SFI1: variants seen among roughly 807,000 people sequenced by gnomAD.
The protein encoded by SFI1 is SFI1 centrin binding protein.
SFI1 carries 195 observed loss-of-function variants against 207.5 expected under a neutral mutation model. The observed-to-expected ratio is 0.94, with a 90% CI of 0.84 to 1.06. The LOEUF (loss-of-function observed/expected upper bound fraction) is 1.06, where lower values mean the gene tolerates loss of function less well. Among genes scored for constraint, SFI1 ranks in the 50% least tolerant of loss-of-function variants. SFI1 has a pLI of 0.00. For synonymous variants in SFI1, 630 were observed against 598.9 expected (o/e 1.05, Z -0.76); for missense variants, 1,634 against 1,588.0 (o/e 1.03, Z -0.49).
chr22:31,535,176 T>C, intron 4 of SFI1, among the ~76,000 whole-genome samples: 1 of 140,594 alleles, frequency 7.1e-6, no homozygotes, highest in East Asian at 2.1e-4. Flanking sequence ...CTCAAATGCT[T>C]TTTTATTGCT....
Position 31,606,342 on chromosome 22 carries a change from G to C in SFI1, c.2069G>C (p.Arg690Pro). 1 of 1,613,760 alleles carries C rather than the reference G, an allele frequency of 6.2e-7. No individual in the cohort carries two copies. The highest frequency in any genetic ancestry group is 8.5e-7 in the Non-Finnish European group (1 of 1,180,012). Residue 690 changes from arginine to proline, a missense_variant, in exon 21 of 33, where the codon CGC becomes CCC. By Grantham distance (103) the Arg-to-Pro change is moderately radical. Transcript: ENST00000400288. ...NRQLLRGALR[R>P]WKENTMARVD... ...TGCATCTGCAGCGGGGCATTACGTC[G>C]CTGGAAAGAGAACACCATGGCCCGA...
rs1008589047 is a variant in SFI1, at chr22:31,528,917, C to G, written c.266+54C>G. Reference sequence around the variant, plus strand: ...GGGTACTTTGCTTTTGTTCTCCTTTCTTGGTTAAAATGGGGGAATGATTCT... The same window carrying G: ...GGGTACTTTGCTTTTGTTCTCCTTTGTTGGTTAAAATGGGGGAATGATTCT... On this transcript the variant is annotated intron_variant, in intron 3 of 32. Transcript: ENST00000400288. 33 of 1,531,616 alleles carry G rather than the reference C, an allele frequency of 2.2e-5. No individual in the cohort carries two copies. In the Admixed American group the frequency reaches 3.9e-4, roughly 18 times the overall value. The allele number at this position is 1,531,616 out of a possible 1,614,324, so 94.9% of individuals were successfully genotyped here.
chr22:31,540,741 T>C (rs548484384), intron 4 of SFI1, among the ~76,000 whole-genome samples: 102 of 152,130 alleles, frequency 6.7e-4, no homozygotes, highest in Non-Finnish European at 1.2e-3. Flanking sequence ...CCACCACGCC[T>C]GGCTAATTTT....
intron 2 of SFI1, among the ~76,000 whole-genome samples, chr22:31,513,629 G>T (rs900680001): frequency 6.6e-6 from 1 of 151,686 alleles, no homozygotes; most frequent in African/African-American, 2.4e-5. Context: ...CCAGGCTGGA[G>T]TGCAGTGGTG....
At chr22:31,598,544 C>A (rs1410424427) in intron 15 of SFI1, among the ~76,000 whole-genome samples, 3 of 147,766 alleles carry the variant, frequency 2.0e-5, no homozygotes, top group Non-Finnish European at 4.5e-5. Flanking sequence ...CTCAGCCTCC[C>A]GAGTAGCTGG....
At chr22:31,603,285 G>C (rs2068424513) in intron 17 of SFI1, among the ~76,000 whole-genome samples, 1 of 152,192 alleles carries the variant, frequency 6.6e-6, no homozygotes, top group Non-Finnish European at 1.5e-5. Flanking sequence ...CCCATATTGT[G>C]ATAGCTGACT....
At position 31,594,023 on chromosome 22, in the gene SFI1, AGAGG is replaced by A. The variant is rs1175905463; in HGVS notation, c.1544+4451_1544+4454del. Among the ~76,000 whole-genome samples, 1,413 of 146,746 alleles carry A rather than the reference AGAGG, an allele frequency of 9.6e-3. 18 individuals are homozygous for A. Among genetic ancestry groups the A allele is most frequent in the Middle Eastern group, 0.031 (9 of 290 alleles). ...GAGAGGGACAGGGAGAGGGAGAGGG[AGAGG>A]GAGGTGTCCATCTTTATTTCAAGGG... On this transcript the variant is annotated intron_variant, in intron 15 of 32. Transcript: ENST00000400288.
At position 31,604,934 on chromosome 22, in the gene SFI1, G is replaced by A. The variant is rs1180891056; in HGVS notation, c.2043G>A (p.Arg681=). 1.9e-6 allele frequency: 3 copies of A among 1,609,390 alleles called. No homozygotes were observed. Among genetic ancestry groups the A allele is most frequent in the South Asian group, 2.2e-5 (2 of 90,518 alleles). ...CAGCCAGGGAGAGCCAGCACAACAGGCAGCTGCTGCGGTGAGTCTCCCGGG... is the reference window on the plus strand; with the variant it reads ...CAGCCAGGGAGAGCCAGCACAACAGACAGCTGCTGCGGTGAGTCTCCCGGG... ...EVAARESQHN[R]QLLRGALRRW... The change falls in exon 20 of 33, where the codon AGG becomes AGA. Residue 681 remains arginine, a synonymous_variant. Coordinates refer to ENST00000400288, the MANE Select transcript of SFI1 (RefSeq NM_001007467.3).
Position 31,616,744 on chromosome 22 carries a change from G to C in SFI1, c.3301-1G>C. 6.5e-7 allele frequency: 1 copy of C among 1,539,348 alleles called. No individual in the cohort carries two copies. ...AGCATCTACCCTTCTTTCCTTTGCA[G>C]GTGTCAGCACAGCGGGCTACTCCTA... On this transcript the variant is annotated splice_acceptor_variant, in intron 29 of 32. Coordinates refer to ENST00000400288, the MANE Select transcript of SFI1 (RefSeq NM_001007467.3). LOFTEE classifies it high-confidence loss of function.
Position 31,604,941 on chromosome 22 carries a change from C to T in SFI1, c.2050C>T (p.Leu684=). The part of the protein sequence containing the change: ...ARESQHNRQL[L]RGALRRWKEN... ...GGAGAGCCAGCACAACAGGCAGCTG[C>T]TGCGGTGAGTCTCCCGGGCGCCTCC... Residue 684 remains leucine (L), a synonymous_variant, in exon 20 of 33, where the codon CTG becomes TTG. Transcript: ENST00000400288. 1 of 1,606,558 alleles carries T rather than the reference C, an allele frequency of 6.2e-7. No homozygotes were observed. Among genetic ancestry groups the T allele is most frequent in the Non-Finnish European group, 8.5e-7 (1 of 1,176,400 alleles).
At chr22:31,604,531 C>G (rs952952946) in intron 19 of SFI1, 127 bp downstream of exon 19, 35 of 833,174 alleles carry the variant, frequency 4.2e-5, no homozygotes, top group Non-Finnish European at 5.8e-5. Context: ...TCAAACCAAG[C>G]AGGTGCCCCG....
chr22:31,547,732 G>C (rs764844704), intron 5 of SFI1, among the ~76,000 whole-genome samples: 1 of 151,466 alleles, frequency 6.6e-6, no homozygotes, highest in Non-Finnish European at 1.5e-5. Context: ...TGATTCTCCT[G>C]CCTGAGCCTC....
intron 15 of SFI1, among the ~76,000 whole-genome samples, chr22:31,590,060 G>T (rs2065632610): frequency 6.6e-6 from 1 of 151,762 alleles, no homozygotes; most frequent in South Asian, 2.1e-4. Flanking sequence ...GGCAGGAGAA[G>T]ATGAGATGAG....
rs777481160 is a variant in SFI1 at position 31,602,803 on chromosome 22, C to T, written c.1805+18C>T. On this transcript the variant is annotated intron_variant, in intron 17 of 32. Transcript: ENST00000400288. The stretch of plus-strand genomic sequence containing the variant: ...AGAACAGAGTGAGTGGCCAGTTCTG[C>T]CTTACAAGCCTTTCCATCACAGGCC... 1.9e-6 allele frequency: 3 copies of T among 1,607,300 alleles called. No homozygotes were observed. The South Asian group carries it at 3.3e-5, about 18-fold the overall frequency.
intron 23 of SFI1, 140 bp downstream of exon 23, chr22:31,611,443 G>T: frequency 1.8e-6 from 2 of 1,137,734 alleles, no homozygotes; most frequent in Non-Finnish European, 2.4e-6. Context: ...TTGGGGTCCT[G>T]TAAGACAAAG....
chr22:31,498,969 A>G (rs140020390), intron 1 of SFI1, among the ~76,000 whole-genome samples: 3,517 of 151,612 alleles, frequency 0.023, 121 homozygotes, highest in African/African-American at 0.08. Flanking sequence ...GGCCTCCCAA[A>G]GTGCTGGGAT....
intron 8 of SFI1, among the ~76,000 whole-genome samples, chr22:31,565,123 C>A (rs1040221244): frequency 6.6e-6 from 1 of 151,864 alleles, no homozygotes; most frequent in Non-Finnish European, 1.5e-5. Flanking sequence ...GTGCCCGGCC[C>A]AGAATTTTTT....
At chr22:31,582,334 C>CTG (rs2064439301) in intron 12 of SFI1, among the ~76,000 whole-genome samples, 1 of 140,818 alleles carries the variant, frequency 7.1e-6, no homozygotes, top group Non-Finnish European at 1.5e-5. Flanking sequence ...TCACTGCAAC[C>CTG]TCCACCTTCC....
chr22:31,527,879 C>T (rs564539758), intron 2 of SFI1, among the ~76,000 whole-genome samples: 27 of 151,998 alleles, frequency 1.8e-4, no homozygotes, highest in African/African-American at 5.5e-4. Context: ...TTTGGGAGGC[C>T]GAGGTGGGTG....
Sources: gnomAD v4.1 joint callset for allele counts (sites outside exome capture counted in the v4.1 genomes callset) on GRCh38, gnomAD v4.1.1 for gene constraint, MANE v1.5 for transcripts, NCBI Gene and HGNC (gene_info 2026-07-23, HGNC 2026-07-21) for gene names.